Variants in VAPA observed in about 807,000 individuals in gnomAD.
The protein encoded by VAPA is vesicle-associated membrane protein-associated protein A.
In VAPA, 6 loss-of-function variants were observed where a neutral mutation model predicts 25.6. That is an observed-to-expected ratio of 0.23 (90% CI 0.13 to 0.46). VAPA has a LOEUF of 0.46. VAPA is among the 20% of genes least tolerant of loss of function. The pLI, the probability that VAPA is intolerant of heterozygous loss-of-function variation, is 0.99. For missense variants in VAPA, 244 were observed against 302.1 expected, an observed-to-expected ratio of 0.81 and a Z score of 1.43; for synonymous variants, 112 against 106.2, an observed-to-expected ratio of 1.05 and a Z score of -0.34.
At chr18:9,935,287 A>G (rs1218737979) in intron 2 of VAPA, among the ~76,000 whole-genome samples, 2 of 152,104 alleles carry the variant, frequency 1.3e-5, no homozygotes, top group African/African-American at 4.8e-5. Flanking sequence ...AAAACAATAT[A>G]TGGGCTGGGT....
In VAPA at chr18:9,914,069, T is replaced by A; in HGVS notation, c.-188T>A. ...GGCTGGTGTGGGGTTGAGTCAGTTG[T>A]GGGACCCGGAGCTGCTGACCCAGCG... On this transcript the variant is annotated 5_prime_UTR_variant, in exon 1 of 6. Transcript: ENST00000400000. 1.9e-6 allele frequency: 1 copy of A among 524,666 alleles called. No homozygotes were observed. The highest frequency in any genetic ancestry group is 3.3e-6 in the Non-Finnish European group (1 of 299,978). The allele number at this position is 524,666 out of a possible 1,614,324, so 32.5% of individuals were successfully genotyped here. A position where few individuals can be genotyped will look rare whatever the true frequency, so the allele number is the denominator to read the frequency against.
rs1313016620 is a variant in VAPA, at chr18:9,959,745, A to AAAT, written c.*5535_*5537dup. Reference sequence around the variant, plus strand: ...CCAAAAAAAAAAAAAAAAAAAAAAAAAATGTGGAGGGTTGAAATGGTAAGG... The same window carrying AAAT: ...CCAAAAAAAAAAAAAAAAAAAAAAAAAATAATGTGGAGGGTTGAAATGGTAAGG... On this transcript the variant is annotated 3_prime_UTR_variant, in exon 6 of 6. Transcript: ENST00000400000. The AAAT allele has an allele frequency of 7.0e-6, 1 of 141,918 alleles. No homozygotes were observed. The highest frequency in any genetic ancestry group is 2.5e-5 in the African/African-American group (1 of 39,526). The allele number at this position is 141,918 out of a possible 1,614,324, so 8.8% of individuals were successfully genotyped here.
chr18:9,957,927 C>T lies in VAPA; in HGVS notation c.*3716C>T, dbSNP rs1446929795. 2 of 152,218 alleles carry T rather than the reference C, an allele frequency of 1.3e-5. No individual in the cohort carries two copies. The highest frequency in any genetic ancestry group is 2.1e-4 in the South Asian group (1 of 4,836). The allele number at this position is 152,218 out of a possible 1,614,324, so 9.4% of individuals were successfully genotyped here. On this transcript the variant is annotated 3_prime_UTR_variant, in exon 6 of 6. Transcript: ENST00000400000. ...GGTAGACTACCACCACGCTTCTTCGCGTAAGCAGTGGCATCTTGGGAATGA... is the reference window on the plus strand; with the variant it reads ...GGTAGACTACCACCACGCTTCTTCGTGTAAGCAGTGGCATCTTGGGAATGA...
At chr18:9,945,083 T>C in intron 4 of VAPA, 1 of 1,610,216 alleles carries the variant, frequency 6.2e-7, no homozygotes, top group Non-Finnish European at 8.5e-7. Context: ...GTTAACAGAC[T>C]TAGGAGTCTA....
rs2069524223 is a variant in VAPA at position 9,954,485 on chromosome 18, GTTCT to G, written c.*281_*284del. On this transcript the variant is annotated 3_prime_UTR_variant, in exon 6 of 6. Coordinates refer to ENST00000400000, the MANE Select transcript of VAPA (RefSeq NM_194434.3). ...TTATGAAATTCATAAATAAAGAATT[GTTCT>G]TTCTTTGTGGTTTTAATAAGAGTTC... The G allele has an allele frequency of 1.6e-5, 5 of 307,090 alleles. No individual in the cohort carries two copies. Among genetic ancestry groups the G allele is most frequent in the South Asian group, 9.9e-5 (1 of 10,082 alleles). 19.0% of individuals were successfully genotyped at this position (307,090 alleles called of 1,614,324 possible).
chr18:9,945,562 A>G (rs1160937368), intron 4 of VAPA, among the ~76,000 whole-genome samples: 1 of 151,762 alleles, frequency 6.6e-6, no homozygotes, highest in Non-Finnish European at 1.5e-5. Context: ...GGGTTTCACC[A>G]TGTTGGCCAG....
intron 1 of VAPA, among the ~76,000 whole-genome samples, chr18:9,917,079 T>C (rs2069117865): frequency 6.6e-6 from 1 of 152,242 alleles, no homozygotes; most frequent in Admixed American, 6.5e-5. Flanking sequence ...GCATTTACGA[T>C]GTAATGAATT....
Position 9,957,568 on chromosome 18 carries a change from C to A in VAPA, c.*3357C>A, listed in dbSNP as rs1311505379. On this transcript the variant is annotated 3_prime_UTR_variant, in exon 6 of 6. Transcript: ENST00000400000. ...ATTCACTGAGATTTTAAAAATTTCA[C>A]CTTTATTCGAGGGAAGGATCAATGC... is the stretch of plus-strand genomic sequence containing the variant. 1.3e-5 allele frequency: 2 copies of A among 152,056 alleles called. No individual in the cohort carries two copies. The highest frequency in any genetic ancestry group is 2.9e-5 in the Non-Finnish European group (2 of 68,022). The allele number at this position is 152,056 out of a possible 1,614,324, so 9.4% of individuals were successfully genotyped here.
chr18:9,914,396 G>T (rs1215533539), intron 1 of VAPA, 61 bp downstream of exon 1: 8 of 1,463,342 alleles, frequency 5.5e-6, no homozygotes, highest in Admixed American at 2.4e-5. Flanking sequence ...GCTGTCGGCG[G>T]GGGGGCGCGG....
rs1284739919 is a variant in VAPA, at chr18:9,956,699, A to G, written c.*2488A>G. 6.6e-6 allele frequency: 1 copy of G among 152,658 alleles called. No individual in the cohort carries two copies. The highest frequency in any genetic ancestry group is 1.5e-5 in the Non-Finnish European group (1 of 68,038). 9.5% of individuals were successfully genotyped at this position (152,658 alleles called of 1,614,324 possible). A position where few individuals can be genotyped will look rare whatever the true frequency, so the allele number is the denominator to read the frequency against. On this transcript the variant is annotated 3_prime_UTR_variant, in exon 6 of 6. Transcript: ENST00000400000. ...ACTGTATTAATTGACTGATAATATG[A>G]TAATATAGAGATTAAATTGTTTGTC...
chr18:9,948,215 T>C lies in VAPA; in HGVS notation c.418-2180T>C, dbSNP rs535548555. 3 of 152,346 alleles carry C rather than the reference T, an allele frequency of 2.0e-5. No homozygotes were observed. In the East Asian group the frequency reaches 5.8e-4, roughly 29 times the overall value. The allele number at this position is 152,346 out of a possible 1,614,324, so 9.4% of individuals were successfully genotyped here. The stretch of plus-strand genomic sequence containing the variant: ...TCTAATCTAATTCCAAGTCTAATTC[T>C]ATTAGAATTAGAAAAATCTAAATCT... On this transcript the variant is annotated intron_variant, in intron 4 of 5. Coordinates refer to ENST00000400000, the MANE Select transcript of VAPA (RefSeq NM_194434.3).
intron 1 of VAPA, among the ~76,000 whole-genome samples, chr18:9,925,948 G>T (rs2069197015): frequency 6.6e-6 from 1 of 152,090 alleles, no homozygotes; most frequent in Non-Finnish European, 1.5e-5. Flanking sequence ...ATTTATGAGA[G>T]TTCAGGCCCT....
intron 4 of VAPA, among the ~76,000 whole-genome samples, chr18:9,944,732 C>T (rs1386945848): frequency 1.3e-5 from 2 of 152,150 alleles, no homozygotes; most frequent in Non-Finnish European, 2.9e-5. Flanking sequence ...TTGGGAAATA[C>T]AAAAAGCGAG....
chr18:9,952,641 A>C (rs2069502560), intron 5 of VAPA, among the ~76,000 whole-genome samples: 1 of 151,554 alleles, frequency 6.6e-6, no homozygotes, highest in East Asian at 1.9e-4. Flanking sequence ...GGCCCACCAT[A>C]ATTTTTTGCC....
At chr18:9,952,912 C>A (rs1434452353) in intron 5 of VAPA, among the ~76,000 whole-genome samples, 2 of 152,098 alleles carry the variant, frequency 1.3e-5, no homozygotes, top group African/African-American at 4.8e-5. Context: ...CCAGAAAATC[C>A]AGTAATGCAA....
At chr18:9,918,433 C>T (rs2069130283) in intron 1 of VAPA, among the ~76,000 whole-genome samples, 1 of 152,110 alleles carries the variant, frequency 6.6e-6, no homozygotes, top group African/African-American at 2.4e-5. Flanking sequence ...GTACTTTTAT[C>T]CTCTCACTAC....
At chr18:9,952,052 A>G (rs1319955858) in intron 5 of VAPA, among the ~76,000 whole-genome samples, 4 of 152,132 alleles carry the variant, frequency 2.6e-5, no homozygotes, top group African/African-American at 9.7e-5. Flanking sequence ...TGTGCTCCTT[A>G]GGGTGCTCAA....
chr18:9,926,954 G>A (rs955174163), intron 1 of VAPA, among the ~76,000 whole-genome samples: 4 of 151,956 alleles, frequency 2.6e-5, no homozygotes, highest in African/African-American at 9.7e-5. Context: ...CCTAAATGGG[G>A]GTCACAGAGT....
chr18:9,914,110 C>T lies in VAPA; in HGVS notation c.-147C>T. 1 of 611,794 alleles carries T rather than the reference C, an allele frequency of 1.6e-6. No homozygotes were observed. Among genetic ancestry groups the T allele is most frequent in the Non-Finnish European group, 2.7e-6 (1 of 370,456 alleles). 37.9% of individuals were successfully genotyped at this position (611,794 alleles called of 1,614,324 possible). A position where few individuals can be genotyped will look rare whatever the true frequency, so the allele number is the denominator to read the frequency against. On this transcript the variant is annotated 5_prime_UTR_variant, in exon 1 of 6. Coordinates refer to ENST00000400000, the MANE Select transcript of VAPA (RefSeq NM_194434.3). The stretch of plus-strand genomic sequence containing the variant: ...TGACCCAGCGGGTGGCCCACCGAAC[C>T]GGTGACACAGCGGCAGGCGTTAGGG...
Sources: gnomAD v4.1 joint callset for allele counts (sites outside exome capture counted in the v4.1 genomes callset) on GRCh38, gnomAD v4.1.1 for gene constraint, MANE v1.5 for transcripts, NCBI Gene and HGNC (gene_info 2026-07-23, HGNC 2026-07-21) for gene names.